Variants in SLC6A11 observed in about 807,000 individuals in gnomAD.
SLC6A11 encodes solute carrier family 6 member 11, also known as sodium- and chloride-dependent GABA transporter 3.
Under a neutral mutation model 74.8 loss-of-function variants are expected in SLC6A11, and 25 were observed. The ratio of observed to expected loss-of-function variants is 0.33; its 90% CI spans 0.24 to 0.47. The LOEUF is 0.47. Ranked by LOEUF, SLC6A11 falls within the 20% of genes least tolerant of loss-of-function variation. SLC6A11 has a pLI of 1.00. For synonymous variants in SLC6A11, 330 were observed against 330.2 expected (o/e 1.00, Z 0.01); for missense variants, 574 against 837.0 (o/e 0.69, Z 3.88).
At chr3:10,819,678 G>C in intron 2 of SLC6A11, 34 bp from the exon 3 acceptor site, 1 of 1,611,400 alleles carries the variant, frequency 6.2e-7, no homozygotes, top group Non-Finnish European at 8.5e-7. Flanking sequence ...TGAAAAGATA[G>C]ACTCAAATTC....
chr3:10,839,842 C>A (rs1242813261), intron 4 of SLC6A11, among the ~76,000 whole-genome samples: 1 of 152,162 alleles, frequency 6.6e-6, no homozygotes, highest in Non-Finnish European at 1.5e-5. Context: ...CAGCGAAAGA[C>A]CCACCCTACC....
intron 6 of SLC6A11, among the ~76,000 whole-genome samples, chr3:10,877,489 G>A (rs1389345682): frequency 2.6e-5 from 4 of 152,194 alleles, no homozygotes; most frequent in Non-Finnish European, 5.9e-5. Flanking sequence ...GCCCAGAGAA[G>A]CCTTCCTGCG....
intron 4 of SLC6A11, 89 bp from the exon 5 acceptor site, chr3:10,844,125 A>C: frequency 6.6e-7 from 1 of 1,508,524 alleles, no homozygotes; most frequent in Non-Finnish European, 9.1e-7. Context: ...GAATGAGCAC[A>C]TGGGCCCATC....
chr3:10,888,340 G>A (rs938960011), intron 6 of SLC6A11, among the ~76,000 whole-genome samples: 1 of 152,192 alleles, frequency 6.6e-6, no homozygotes, highest in Non-Finnish European at 1.5e-5. Context: ...GCCAGATTGG[G>A]GGAAAATGAG....
intron 6 of SLC6A11, among the ~76,000 whole-genome samples, chr3:10,888,086 T>C (rs1368784051): frequency 6.6e-6 from 1 of 152,204 alleles, no homozygotes. Flanking sequence ...GCAAAGCTCA[T>C]CAATGAAGAG....
At chr3:10,902,043 G>C (rs1165647359) in intron 6 of SLC6A11, among the ~76,000 whole-genome samples, 2 of 152,066 alleles carry the variant, frequency 1.3e-5, no homozygotes, top group African/African-American at 2.4e-5. Flanking sequence ...CCAAGGCTCT[G>C]CTTACAAAAG....
At chr3:10,829,776 T>C (rs778846537) in intron 4 of SLC6A11, among the ~76,000 whole-genome samples, 1 of 152,188 alleles carries the variant, frequency 6.6e-6, no homozygotes, top group Non-Finnish European at 1.5e-5. Context: ...TAATAAATAG[T>C]AGCTGTTTTT....
intron 6 of SLC6A11, among the ~76,000 whole-genome samples, chr3:10,877,526 G>T (rs563196472): frequency 2.0e-5 from 3 of 152,296 alleles, no homozygotes; most frequent in South Asian, 4.2e-4. Context: ...TTTAGTGAGG[G>T]TGTTTTATTG....
At chr3:10,904,149 T>G (rs1308140277) in intron 6 of SLC6A11, among the ~76,000 whole-genome samples, 1 of 152,250 alleles carries the variant, frequency 6.6e-6, no homozygotes, top group East Asian at 1.9e-4. Flanking sequence ...GTATCCATCA[T>G]GATGACTGTA....
chr3:10,845,232 C>A (rs78082527), intron 5 of SLC6A11, among the ~76,000 whole-genome samples: 2 of 152,146 alleles, frequency 1.3e-5, no homozygotes, highest in Non-Finnish European at 2.9e-5. Flanking sequence ...CTGGACTTGC[C>A]TGCCCACACA....
In SLC6A11 at chr3:10,938,434, T is replaced by G. The variant is rs760104502; in HGVS notation, c.*32T>G. 3 of 1,560,344 alleles carry G rather than the reference T, an allele frequency of 1.9e-6. No homozygotes were observed. In the South Asian group the frequency reaches 3.5e-5, roughly 18 times the overall value. ...ACCAGCCATCTGGGGCTCTTCTTCC[T>G]TTCTTCCCCCCGTGTATGTAAATGA... is the stretch of plus-strand genomic sequence containing the variant. On this transcript the variant is annotated 3_prime_UTR_variant, in exon 14 of 14. Transcript: ENST00000254488.
intron 5 of SLC6A11, among the ~76,000 whole-genome samples, chr3:10,847,757 G>C (rs1219874707): frequency 3.3e-5 from 5 of 152,172 alleles, no homozygotes; most frequent in African/African-American, 1.2e-4. Flanking sequence ...GGAGGATCTG[G>C]CACTTTTGTT....
At chr3:10,835,156 C>T (rs1694350382) in intron 4 of SLC6A11, among the ~76,000 whole-genome samples, 1 of 152,212 alleles carries the variant, frequency 6.6e-6, no homozygotes, top group Non-Finnish European at 1.5e-5. Flanking sequence ...CACAGGTGGG[C>T]CAGCTTTGCC....
chr3:10,934,292 C>T, intron 12 of SLC6A11, 126 bp downstream of exon 12: 2 of 659,274 alleles, frequency 3.0e-6, no homozygotes, highest in Non-Finnish European at 2.7e-6. Flanking sequence ...TCCCCTGGTT[C>T]AGGCCACCTT....
At position 10,934,050 on chromosome 3, in the gene SLC6A11, G is replaced by A; in HGVS notation, c.1475-16G>A. ...CTCTGGGGTGTGTATGTTCCCCTCTGATTTATTCCGGACAGGAAGCAACCG... is the reference window on the plus strand; with the variant it reads ...CTCTGGGGTGTGTATGTTCCCCTCTAATTTATTCCGGACAGGAAGCAACCG... On this transcript the variant is annotated splice_polypyrimidine_tract_variant and intron_variant, in intron 11 of 13. Coordinates refer to ENST00000254488, the MANE Select transcript of SLC6A11 (RefSeq NM_014229.3). 2 of 1,588,998 alleles carry A rather than the reference G, an allele frequency of 1.3e-6. No homozygotes were observed. Among genetic ancestry groups the A allele is most frequent in the Non-Finnish European group, 1.7e-6 (2 of 1,157,260 alleles).
At chr3:10,824,277 G>A (rs1009018904) in intron 4 of SLC6A11, 2 of 152,136 alleles carry the variant, frequency 1.3e-5, no homozygotes, top group African/African-American at 2.4e-5. Context: ...TTCCTGTATG[G>A]GTCAAAGGCT....
At chr3:10,874,921 T>G in intron 5 of SLC6A11, 40 bp from the exon 6 acceptor site, 1 of 1,568,052 alleles carries the variant, frequency 6.4e-7, no homozygotes, top group Non-Finnish European at 8.7e-7. Context: ...CCCATTGCTC[T>G]CACCCCCTTC....
chr3:10,831,058 T>C (rs527469158), intron 4 of SLC6A11, among the ~76,000 whole-genome samples: 1 of 152,338 alleles, frequency 6.6e-6, no homozygotes, highest in East Asian at 1.9e-4. Flanking sequence ...GAGAATGGTC[T>C]CTCTGATGTA....
chr3:10,883,980 G>A (rs1172496493), intron 6 of SLC6A11, among the ~76,000 whole-genome samples: 4 of 152,114 alleles, frequency 2.6e-5, no homozygotes, highest in East Asian at 1.9e-4. Context: ...CACACATGGC[G>A]CTTATCTTCA....
Sources: allele counts gnomAD v4.1 joint callset (sites outside exome capture counted in the v4.1 genomes callset), GRCh38; gene constraint gnomAD v4.1.1; transcripts MANE v1.5; gene names NCBI Gene and HGNC (gene_info 2026-07-23, HGNC 2026-07-21).